GRIK4: variants seen among roughly 807,000 people sequenced by gnomAD.
GRIK4 encodes the protein glutamate receptor ionotropic, kainate 4.
A neutral mutation model predicts 104.9 loss-of-function variants in GRIK4; 40 were observed. The ratio of observed to expected loss-of-function variants is 0.38; its 90% CI spans 0.30 to 0.50. GRIK4 has a LOEUF of 0.50. Ranked by LOEUF, GRIK4 falls within the 20% of genes least tolerant of loss-of-function variation. The probability of loss-of-function intolerance (pLI) is 0.93; values close to 1 mark genes in which losing one functional copy is unlikely to be tolerated. For missense variants in GRIK4, 1,047 were observed against 1,308.1 expected, an observed-to-expected ratio of 0.80 and a Z score of 3.08; for synonymous variants, 485 against 524.9, an observed-to-expected ratio of 0.92 and a Z score of 1.04.
chr11:120,776,039 T>TA lies in GRIK4; in HGVS notation c.83-26653dup, dbSNP rs924615903. ...CAGTTTGACTAAGGACCTGGGTACCTACGACCTTCTTAAAAGTGTTAATAA... is the reference window on the plus strand; with the variant it reads ...CAGTTTGACTAAGGACCTGGGTACCTAACGACCTTCTTAAAAGTGTTAATAA... On this transcript the variant is annotated intron_variant, in intron 3 of 20. Coordinates refer to ENST00000527524, the MANE Select transcript of GRIK4 (RefSeq NM_014619.5). 2.0e-5 allele frequency among the ~76,000 whole-genome samples: 3 copies of TA among 152,236 alleles called. No individual in the cohort carries two copies. In the East Asian group the frequency reaches 5.8e-4, roughly 29 times the overall value.
intron 3 of GRIK4, among the ~76,000 whole-genome samples, chr11:120,669,326 C>T (rs1258586354): frequency 6.6e-6 from 1 of 152,220 alleles, no homozygotes; most frequent in Non-Finnish European, 1.5e-5. Context: ...GTGGACTCTT[C>T]ACACAGGAGC....
chr11:120,803,412 G>A (rs1257786601), intron 4 of GRIK4, among the ~76,000 whole-genome samples: 2 of 152,158 alleles, frequency 1.3e-5, no homozygotes, highest in Non-Finnish European at 1.5e-5. Context: ...AATCTTGCAG[G>A]TTGTTAGGTT....
chr11:120,667,412 T>C (rs1017778788), intron 3 of GRIK4, among the ~76,000 whole-genome samples: 1 of 152,334 alleles, frequency 6.6e-6, no homozygotes, highest in African/African-American at 2.4e-5. Context: ...GCACAGGCAA[T>C]GTGGAAGCTG....
chr11:120,718,341 C>T (rs1319325208), intron 3 of GRIK4, among the ~76,000 whole-genome samples: 3 of 152,190 alleles, frequency 2.0e-5, no homozygotes, highest in Admixed American at 1.3e-4. Context: ...ATGTGACCAG[C>T]GTCTCTGAGT....
intron 1 of GRIK4, chr11:120,564,407 GCCCGCC>G (rs1206003607): frequency 2.0e-5 from 3 of 152,276 alleles, no homozygotes; most frequent in Non-Finnish European, 2.9e-5. Flanking sequence ...ATCAGGGGGC[GCCCGCC>G]CCCGCTTTGC....
At chr11:120,604,165 CCTT>C (rs1162505285) in intron 1 of GRIK4, among the ~76,000 whole-genome samples, 2 of 117,468 alleles carry the variant, frequency 1.7e-5, no homozygotes, top group East Asian at 4.3e-4. Context: ...GAGCGAGACT[CCTT>C]CTCAAAAAAA....
rs114799975 is a variant in GRIK4 at position 120,930,382 on chromosome 11, A to G, written c.1477-9965A>G. Reference sequence around the variant, plus strand: ...ATAGTAAGAGCTAACATTTATTGTGAGTTATCTGTGTCAGGCCTAAGCTTT... The same window carrying G: ...ATAGTAAGAGCTAACATTTATTGTGGGTTATCTGTGTCAGGCCTAAGCTTT... On this transcript the variant is annotated intron_variant, in intron 13 of 20. Transcript: ENST00000527524. Among the ~76,000 whole-genome samples the G allele has an allele frequency of 1.9e-3, 293 of 152,344 alleles. 1 individual carries two copies. The highest frequency in any genetic ancestry group is 6.7e-3 in the African/African-American group (278 of 41,588).
At chr11:120,864,389 C>T (rs538415764) in intron 9 of GRIK4, among the ~76,000 whole-genome samples, 9 of 152,072 alleles carry the variant, frequency 5.9e-5, no homozygotes, top group Non-Finnish European at 7.4e-5. Flanking sequence ...TACAGGTGCC[C>T]GCCACCGTGC....
At chr11:120,594,399 C>G (rs1948774082) in intron 1 of GRIK4, among the ~76,000 whole-genome samples, 1 of 152,146 alleles carries the variant, frequency 6.6e-6, no homozygotes, top group Admixed American at 6.5e-5. Context: ...ATCGCCTGAG[C>G]CTGGGAGGTT....
chr11:120,681,358 C>A (rs10790399), intron 3 of GRIK4, among the ~76,000 whole-genome samples: 69,520 of 151,838 alleles, frequency 0.46, 16,279 homozygotes, highest in East Asian at 0.55. Context: ...GTTTTCTCCT[C>A]CTGTGGCCTC....
At position 120,902,583 on chromosome 11, in the gene GRIK4, A is replaced by G. The variant is rs1942766793; in HGVS notation, c.1273-2707A>G. On this transcript the variant is annotated intron_variant, in intron 12 of 20. Transcript: ENST00000527524. This position sits in a 1 kb window ranked among gnomAD's most constrained non-coding sequence, Gnocchi z 4.5. Reference sequence around the variant, plus strand: ...AGCCATTTGTTTGCTTCTTACTCACATGATCGGCAAGTGCTTAATGCTGAG... The same window carrying G: ...AGCCATTTGTTTGCTTCTTACTCACGTGATCGGCAAGTGCTTAATGCTGAG... Among the ~76,000 whole-genome samples, 2 of 152,176 alleles carry G rather than the reference A, an allele frequency of 1.3e-5. No homozygotes were observed. Among genetic ancestry groups the G allele is most frequent in the African/African-American group, 4.8e-5 (2 of 41,428 alleles).
At chr11:120,649,212 C>T (rs1295854482) in intron 1 of GRIK4, among the ~76,000 whole-genome samples, 1 of 152,196 alleles carries the variant, frequency 6.6e-6, no homozygotes, top group Non-Finnish European at 1.5e-5. Context: ...CCCCACACAC[C>T]TGGGAGGGCT....
chr11:120,889,588 C>CTTT lies in GRIK4; in HGVS notation c.1165-8944_1165-8943insTTT, dbSNP rs776440015. Reference sequence around the variant, plus strand: ...AATAGAATAAAATAGAAAGAGCTTACATTTTTTTTTTTTTTTTTTTTTTTT... The same window carrying CTTT: ...AATAGAATAAAATAGAAAGAGCTTACTTTATTTTTTTTTTTTTTTTTTTTTTTT... On this transcript the variant is annotated intron_variant, in intron 11 of 20. Transcript: ENST00000527524. Among the ~76,000 whole-genome samples the CTTT allele has an allele frequency of 1.7e-3, 112 of 67,134 alleles. 5 individuals carry two copies. Among genetic ancestry groups the CTTT allele is most frequent in the African/African-American group, 4.5e-3 (85 of 18,858 alleles). 44.0% of individuals were successfully genotyped at this position (67,134 alleles called of 152,430 possible). A position where few individuals can be genotyped will look rare whatever the true frequency, so the allele number is the denominator to read the frequency against.
intron 9 of GRIK4, among the ~76,000 whole-genome samples, chr11:120,867,504 G>T (rs1182838111): frequency 6.6e-6 from 1 of 151,720 alleles, no homozygotes; most frequent in Non-Finnish European, 1.5e-5. Flanking sequence ...CTCTCCACAC[G>T]ATGTTCCCTG....
intron 3 of GRIK4, among the ~76,000 whole-genome samples, chr11:120,665,826 G>A (rs973459391): frequency 1.4e-4 from 21 of 152,116 alleles, no homozygotes; most frequent in African/African-American, 4.8e-4. Context: ...ACACATTTTG[G>A]GGTGACTGAG....
In GRIK4 at chr11:120,982,203, CAG is replaced by C. The variant is rs1565475612; in HGVS notation, c.2495_2496del (p.Arg832ThrfsTer6). 6.3e-7 allele frequency: 1 copy of C among 1,599,614 alleles called. No homozygotes were observed. Among genetic ancestry groups the C allele is most frequent in the Non-Finnish European group, 8.6e-7 (1 of 1,166,790 alleles). ...CTATGTTGGAGTTTTTATGGACTCT[CAG>C]ACACTCAGAAGCAACTGAGGTAAAC... ...MAMLEFLWTLRHSEATEVSVC... is the reference protein window; with the variant it reads ...MAMLEFLWTLXHSEATEVSVC... On this transcript the variant is annotated frameshift_variant, in exon 20 of 21. Transcript: ENST00000527524. LOFTEE classifies it high-confidence loss of function.
intron 3 of GRIK4, among the ~76,000 whole-genome samples, chr11:120,668,101 G>GGATAGATAGATAGATA (rs60323501): frequency 8.3e-5 from 12 of 144,212 alleles, no homozygotes; most frequent in East Asian, 2.1e-4. Flanking sequence ...ATAGATAGAT[G>GGATAGATAGATAGATA]GATAGATAGA....
At chr11:120,527,808 T>C (rs1334238782) in intron 1 of GRIK4, among the ~76,000 whole-genome samples, 1 of 152,184 alleles carries the variant, frequency 6.6e-6, no homozygotes, top group African/African-American at 2.4e-5. Flanking sequence ...AAAGAGGGCC[T>C]GGTGGTCCCA....
chr11:120,809,462 G>A (rs891421243), intron 4 of GRIK4, among the ~76,000 whole-genome samples: 4 of 152,188 alleles, frequency 2.6e-5, no homozygotes, highest in African/African-American at 9.7e-5. Context: ...ACTGAGCAGG[G>A]CACCCTTCAT....
Sources: allele counts gnomAD v4.1 joint callset (sites outside exome capture counted in the v4.1 genomes callset), GRCh38; gene constraint gnomAD v4.1.1; non-coding constraint Gnocchi (gnomAD v3.1); transcripts MANE v1.5; gene names NCBI Gene and HGNC (gene_info 2026-07-23, HGNC 2026-07-21).